MBP: variants seen among roughly 807,000 people sequenced by gnomAD.
The protein encoded by MBP is Golli-MBP.
Under a neutral mutation model 35.8 loss-of-function variants are expected in MBP, and 16 were observed. That is an observed-to-expected ratio of 0.45 (90% CI 0.30 to 0.68). The LOEUF (loss-of-function observed/expected upper bound fraction) is 0.68, where lower values mean the gene tolerates loss of function less well. Ranked by LOEUF, MBP falls within the 30% of genes least tolerant of loss-of-function variation. MBP has a pLI of 0.08. For missense variants in MBP, 380 were observed against 404.7 expected, an observed-to-expected ratio of 0.94 and a Z score of 0.52; for synonymous variants, 143 against 159.6, an observed-to-expected ratio of 0.90 and a Z score of 0.78.
At chr18:77,116,846 G>C (rs772152585) in intron 1 of MBP, among the ~76,000 whole-genome samples, 10 of 151,854 alleles carry the variant, frequency 6.6e-5, no homozygotes, top group East Asian at 1.9e-4. Flanking sequence ...CAGCCTGGGA[G>C]ACAGAGTGAG....
chr18:77,067,619 G>A (rs1974250744), intron 2 of MBP, among the ~76,000 whole-genome samples: 1 of 152,178 alleles, frequency 6.6e-6, no homozygotes, highest in Admixed American at 6.5e-5. Flanking sequence ...CACTGAGCGG[G>A]CGTCAGTGCT....
intron 2 of MBP, among the ~76,000 whole-genome samples, chr18:77,070,192 C>T (rs1454807810): frequency 2.0e-5 from 3 of 152,108 alleles, no homozygotes; most frequent in African/African-American, 4.8e-5. Flanking sequence ...CTCAGACTTA[C>T]GAGAGGGGAT....
chr18:77,021,486 T>C (rs1012547337), intron 3 of MBP, among the ~76,000 whole-genome samples: 4 of 148,010 alleles, frequency 2.7e-5, no homozygotes, highest in African/African-American at 9.9e-5. Context: ...ATGCACCTTT[T>C]TTTTTTTTTT....
chr18:77,104,988 A>C (rs1976206170), intron 2 of MBP, among the ~76,000 whole-genome samples: 1 of 151,950 alleles, frequency 6.6e-6, no homozygotes, highest in African/African-American at 2.4e-5. Context: ...GTCAGGATGT[A>C]CCTACTGCCA....
At chr18:77,129,900 T>C (rs911806377) in intron 1 of MBP, among the ~76,000 whole-genome samples, 1 of 150,330 alleles carries the variant, frequency 6.7e-6, no homozygotes, top group South Asian at 2.2e-4. Flanking sequence ...AACGCAAAAA[T>C]CAGCCAGGTG....
chr18:77,063,260 G>C (rs1001439003), intron 3 of MBP, among the ~76,000 whole-genome samples: 2 of 152,168 alleles, frequency 1.3e-5, no homozygotes, highest in Non-Finnish European at 2.9e-5. Flanking sequence ...GTGTGCCCCA[G>C]GAAAGGGTCA....
At chr18:77,050,634 T>C (rs1232315996) in intron 3 of MBP, among the ~76,000 whole-genome samples, 1 of 152,142 alleles carries the variant, frequency 6.6e-6, no homozygotes, top group Non-Finnish European at 1.5e-5. Context: ...GCAACCTGTG[T>C]CTCCCAGATT....
At position 77,066,935 on chromosome 18, in the gene MBP, C is replaced by T. The variant is rs550758511; in HGVS notation, c.52-550G>A. On this transcript the variant is annotated intron_variant, in intron 2 of 8. Transcript: ENST00000355994. ...TGGGCCAGGCCCCCTGGCCACTCCT[C>T]TGGGAATCTTCGGCTTCAGAGTTTC... Among the ~76,000 whole-genome samples the T allele has an allele frequency of 1.2e-4, 18 of 152,334 alleles. 1 individual carries two copies. In the East Asian group the frequency reaches 3.5e-3, roughly 29 times the overall value.
chr18:77,125,813 T>A (rs999135966), intron 1 of MBP, among the ~76,000 whole-genome samples: 2 of 151,916 alleles, frequency 1.3e-5, no homozygotes, highest in Non-Finnish European at 2.9e-5. Context: ...TGAGAGGGAA[T>A]TCATACCCTG....
chr18:77,035,532 T>A (rs470549), intron 3 of MBP, among the ~76,000 whole-genome samples: 1 of 152,168 alleles, frequency 6.6e-6, no homozygotes, highest in African/African-American at 2.4e-5. Flanking sequence ...GTGCTCTCCC[T>A]GTGCTAGGAT....
intron 2 of MBP, among the ~76,000 whole-genome samples, chr18:77,099,505 TC>T (rs1334193120): frequency 2.6e-5 from 4 of 152,246 alleles, no homozygotes; most frequent in Admixed American, 6.5e-5. Flanking sequence ...TAAAATGATT[TC>T]CCCTGTCTCT....
chr18:77,062,155 T>C (rs1178195522), intron 3 of MBP, among the ~76,000 whole-genome samples: 1 of 152,194 alleles, frequency 6.6e-6, no homozygotes, highest in Non-Finnish European at 1.5e-5. Context: ...TAGTGCCCTC[T>C]TTTGGCCACT....
chr18:77,121,168 G>A (rs574167786), intron 1 of MBP, among the ~76,000 whole-genome samples: 1 of 152,178 alleles, frequency 6.6e-6, no homozygotes, highest in East Asian at 1.9e-4. Context: ...AGCCTGGTGT[G>A]GCAGTGTGAG....
chr18:77,128,283 C>T (rs184680087), intron 1 of MBP, among the ~76,000 whole-genome samples: 12 of 152,162 alleles, frequency 7.9e-5, no homozygotes, highest in African/African-American at 2.4e-4. Flanking sequence ...AAGCCAGTCT[C>T]GAAAGGTTGC....
At chr18:77,064,568 C>T (rs191073089) in intron 3 of MBP, among the ~76,000 whole-genome samples, 10 of 152,184 alleles carry the variant, frequency 6.6e-5, no homozygotes, top group East Asian at 3.9e-4. Context: ...TTGAAACAGT[C>T]GGTAGCACTA....
At chr18:77,026,806 C>T (rs1451162843) in intron 3 of MBP, among the ~76,000 whole-genome samples, 2 of 152,166 alleles carry the variant, frequency 1.3e-5, no homozygotes, top group African/African-American at 4.8e-5. Flanking sequence ...GTTGAGGCTG[C>T]AGTCAGCTAT....
intron 2 of MBP, among the ~76,000 whole-genome samples, chr18:77,075,396 A>C (rs1974610229): frequency 6.6e-6 from 1 of 152,232 alleles, no homozygotes. Context: ...GCCATCCATC[A>C]AAACGCCCAT....
At chr18:77,065,921 A>G (rs1001083773) in intron 3 of MBP, 3 of 190,262 alleles carry the variant, frequency 1.6e-5, no homozygotes, top group Non-Finnish European at 3.3e-5. Flanking sequence ...GCAGTGGAGC[A>G]ATCATAGCTC....
At chr18:77,070,719 G>C (rs1010198525) in intron 2 of MBP, among the ~76,000 whole-genome samples, 1 of 152,170 alleles carries the variant, frequency 6.6e-6, no homozygotes, top group Non-Finnish European at 1.5e-5. Context: ...GCAGGTGACA[G>C]GAGGGGCCCT....
Sources: gnomAD v4.1 joint callset for allele counts (sites outside exome capture counted in the v4.1 genomes callset) on GRCh38, gnomAD v4.1.1 for gene constraint, MANE v1.5 for transcripts, NCBI Gene and HGNC (gene_info 2026-07-23, HGNC 2026-07-21) for gene names.